The following BCCIP variants were observed in gnomAD, a reference collection of about 807,000 sequenced individuals.
The protein encoded by BCCIP is BRCA2 and CDKN1A interacting protein.
A neutral mutation model predicts 32.8 loss-of-function variants in BCCIP; 23 were observed. The observed-to-expected ratio is 0.70, with a 90% CI of 0.51 to 0.99. BCCIP has a LOEUF of 0.99. Ranked by LOEUF, BCCIP falls within the 50% of genes least tolerant of loss-of-function variation. The pLI is 0.00. For missense variants in BCCIP, 378 were observed against 379.8 expected, an observed-to-expected ratio of 1.00 and a Z score of 0.04; for synonymous variants, 144 against 137.6, an observed-to-expected ratio of 1.05 and a Z score of -0.33.
At chr10:125,826,746 T>G (rs944665330) in intron 2 of BCCIP, 81 bp downstream of exon 2, 18 of 1,554,254 alleles carry the variant, frequency 1.2e-5, no homozygotes, top group Non-Finnish European at 1.6e-5. Flanking sequence ...ATGCCTATAA[T>G]CTCAGCATTT....
Position 125,852,514 on chromosome 10 carries a change from A to C in BCCIP, c.851-611A>C, listed in dbSNP as rs760048971. ...GGTTGCCTGCATACAAGAATTGACA[A>C]CATTTAGTATTTGTGTCCACAGCAC... On this transcript the variant is annotated intron_variant, in intron 7 of 7. Transcript: ENST00000368759. 21 of 1,612,936 alleles carry C rather than the reference A, an allele frequency of 1.3e-5. No individual in the cohort carries two copies. The South Asian group carries it at 2.3e-4, about 18-fold the overall frequency.
chr10:125,828,898 G>T (rs1057452427), intron 3 of BCCIP, among the ~76,000 whole-genome samples: 3 of 152,306 alleles, frequency 2.0e-5, no homozygotes, highest in African/African-American at 7.2e-5. Context: ...CTAGCTGTCT[G>T]TCGGGAGCTT....
At chr10:125,832,973 T>G (rs1854559065) in intron 5 of BCCIP, among the ~76,000 whole-genome samples, 1 of 151,574 alleles carries the variant, frequency 6.6e-6, no homozygotes, top group Non-Finnish European at 1.5e-5. Context: ...CCACAAAAAA[T>G]TAGCCGGGTA....
At chr10:125,828,389 G>A (rs532289629) in intron 3 of BCCIP, among the ~76,000 whole-genome samples, 4 of 152,144 alleles carry the variant, frequency 2.6e-5, no homozygotes, top group Non-Finnish European at 5.9e-5. Context: ...TACTGAGGTC[G>A]TAGAAGTGAT....
Position 125,833,957 on chromosome 10 carries a change from C to A in BCCIP, c.774+11C>A, listed in dbSNP as rs763398189. ...GAATTTTTCTATGAGGTAAGACTATCCTGCTTATTTGTTTAGATGTAAATA... is the reference window on the plus strand; with the variant it reads ...GAATTTTTCTATGAGGTAAGACTATACTGCTTATTTGTTTAGATGTAAATA... On this transcript the variant is annotated intron_variant, in intron 6 of 6. Transcript: ENST00000278100. The A allele has an allele frequency of 3.0e-5, 48 of 1,611,946 alleles. No individual in the cohort carries two copies. Among genetic ancestry groups the A allele is most frequent in the Non-Finnish European group, 3.9e-5 (46 of 1,178,694 alleles).
At chr10:125,843,788 T>C (rs1292398780), downstream of BCCIP, among the ~76,000 whole-genome samples, 2 of 152,112 alleles carry the variant, frequency 1.3e-5, no homozygotes, top group African/African-American at 2.4e-5. Context: ...GCACCAGATA[T>C]AACTTCAGCC....
exon 7 of BCCIP, chr10:125,841,785 C>T: frequency 6.2e-7 from 1 of 1,613,234 alleles, no homozygotes; most frequent in East Asian, 2.2e-5. Context: ...TCTACACAGT[C>T]AAATTCACAG....
downstream of BCCIP, chr10:125,838,940 C>T (rs1443190079): frequency 6.7e-7 from 1 of 1,503,056 alleles, no homozygotes; most frequent in Non-Finnish European, 9.0e-7. Flanking sequence ...TTGTTGGCAG[C>T]ATATCCTGAG....
chr10:125,845,401 A>T (rs1164988659), downstream of BCCIP, among the ~76,000 whole-genome samples: 6 of 152,238 alleles, frequency 3.9e-5, no homozygotes, highest in South Asian at 1.2e-3. Flanking sequence ...ATGCAAATGT[A>T]TGCCAACATA....
downstream of BCCIP, among the ~76,000 whole-genome samples, chr10:125,840,343 C>T (rs935044876): frequency 9.2e-5 from 14 of 152,228 alleles, no homozygotes; most frequent in Non-Finnish European, 2.1e-4. Flanking sequence ...ACACCCTCTG[C>T]TCTCCTCTAT....
chr10:125,852,824 T>C (rs1944108921), intron 7 of BCCIP, among the ~76,000 whole-genome samples: 1 of 152,232 alleles, frequency 6.6e-6, no homozygotes, highest in African/African-American at 2.4e-5. Flanking sequence ...GCAAGTGCTT[T>C]GATAAATGGA....
Position 125,823,736 on chromosome 10 carries a change from G to C in BCCIP, c.165+14G>C, listed in dbSNP as rs1854249688. On this transcript the variant is annotated intron_variant, in intron 1 of 6. Transcript: ENST00000278100. ...GTCATTGACGAGGTGAGAAGGACAC[G>C]CTCCCCTAGTTGGTTTATACCTGAG... The C allele has an allele frequency of 5.6e-6, 9 of 1,613,602 alleles. 1 individual carries two copies. The African/African-American group carries it at 1.1e-4, about 19-fold the overall frequency.
chr10:125,836,976 G>C (rs1391236580), downstream of BCCIP: 5 of 800,720 alleles, frequency 6.2e-6, no homozygotes, highest in East Asian at 1.3e-4. Flanking sequence ...TATTTAATTT[G>C]AACTCAGATA....
At chr10:125,839,049 T>C (rs1429959984), downstream of BCCIP, 4 of 1,614,110 alleles carry the variant, frequency 2.5e-6, no homozygotes, top group African/African-American at 4.0e-5. Flanking sequence ...TTAGAGTGTT[T>C]TCCTTGGAGC....
exon 7 of BCCIP, chr10:125,842,063 GC>G: frequency 8.3e-7 from 1 of 1,198,394 alleles, no homozygotes; most frequent in Non-Finnish European, 1.1e-6. Flanking sequence ...CGGTTTGCAA[GC>G]CACCAAATAC....
At chr10:125,842,506 A>C (rs1187601109) in exon 7 of BCCIP, 1 of 152,412 alleles carries the variant, frequency 6.6e-6, no homozygotes, top group African/African-American at 2.4e-5. Flanking sequence ...GGTAGAAAAC[A>C]CAAGTGAGAA....
downstream of BCCIP, chr10:125,838,127 T>G: frequency 7.1e-7 from 1 of 1,405,898 alleles, no homozygotes; most frequent in African/African-American, 1.4e-5. Context: ...GAACTAAGAA[T>G]AAAAGCCAAA....
downstream of BCCIP, chr10:125,838,490 G>A: frequency 9.1e-7 from 1 of 1,098,412 alleles, no homozygotes; most frequent in Non-Finnish European, 1.2e-6. Context: ...ATACGGGATA[G>A]TTAAAACTAA....
Position 125,830,456 on chromosome 10 carries a change from C to T in BCCIP, c.322-106C>T, listed in dbSNP as rs374785046. 11 of 644,020 alleles carry T rather than the reference C, an allele frequency of 1.7e-5. No individual in the cohort carries two copies. The African/African-American group carries it at 1.9e-4, about 11-fold the overall frequency. 39.9% of individuals were successfully genotyped at this position (644,020 alleles called of 1,614,324 possible). A position where few individuals can be genotyped will look rare whatever the true frequency, so the allele number is the denominator to read the frequency against. On this transcript the variant is annotated intron_variant, in intron 3 of 6. Transcript: ENST00000278100. ...ATGGCGGTGGTAAAACAAAGTTTTG[C>T]TTTTGAAAAGTGAAAAGATAAATGA...
Sources: gnomAD v4.1 joint callset for allele counts (sites outside exome capture counted in the v4.1 genomes callset) on GRCh38, gnomAD v4.1.1 for gene constraint, MANE v1.5 for transcripts, NCBI Gene and HGNC (gene_info 2026-07-23, HGNC 2026-07-21) for gene names.